The following WDR25 variants were observed in gnomAD, a reference collection of about 807,000 sequenced individuals.
WDR25 encodes WD repeat-containing protein 25.
Under a neutral mutation model 47.7 loss-of-function variants are expected in WDR25, and 35 were observed. The ratio of observed to expected loss-of-function variants is 0.73; its 90% confidence interval spans 0.56 to 0.97. WDR25 has a LOEUF of 0.97. Among genes scored for constraint, WDR25 ranks in the 50% least tolerant of loss-of-function variants. The probability of loss-of-function intolerance (pLI) is 0.00; values close to 1 mark genes in which losing one functional copy is unlikely to be tolerated. For synonymous variants in WDR25, 248 were observed against 278.9 expected (o/e 0.89, Z 1.10); for missense variants, 634 against 704.7 (o/e 0.90, Z 1.14).
chr14:100,523,976 A>G lies in WDR25; in HGVS notation c.1102-1894A>G, dbSNP rs2029986869. Reference sequence around the variant, plus strand: ...GAGCAGTTGTGAAGGCGAGTAAATCATGTTCGGTGGCGATCACTTCAAAGG... The same window carrying G: ...GAGCAGTTGTGAAGGCGAGTAAATCGTGTTCGGTGGCGATCACTTCAAAGG... On this transcript the variant is annotated intron_variant, in intron 4 of 6. Coordinates refer to ENST00000402312, the MANE Select transcript of WDR25 (RefSeq NM_001161476.3). The surrounding 1 kb of genome is among the most constrained non-coding windows in gnomAD (Gnocchi z 4.7). Among the ~76,000 whole-genome samples the G allele has an allele frequency of 6.6e-6, 1 of 152,010 alleles. No individual in the cohort carries two copies. Among genetic ancestry groups the G allele is most frequent in the Admixed American group, 6.5e-5 (1 of 15,272 alleles).
intron 2 of WDR25, among the ~76,000 whole-genome samples, chr14:100,427,304 C>T (rs779360678): frequency 5.3e-5 from 8 of 152,226 alleles, no homozygotes; most frequent in Non-Finnish European, 1.2e-4. Context: ...ATGCATCCAC[C>T]AGTGTGCTCC....
In WDR25 at chr14:100,381,456, C is replaced by T. The variant is rs767805638; in HGVS notation, c.532C>T (p.Pro178Ser). The T allele has an allele frequency of 1.5e-5, 25 of 1,614,086 alleles. No individual in the cohort carries two copies. The highest frequency in any genetic ancestry group is 5.9e-6 in the Non-Finnish European group (7 of 1,180,040). ...KCEDCVVPYT[P>S]RRLRQRQALS... ...TGAGGACTGTGTGGTACCCTATACT[C>T]CCAGAAGACTAAGACAGCGGCAGGC... Residue 178 changes from proline (P) to serine (S), a missense_variant, in exon 2 of 7, where the codon CCC (proline) becomes TCC (serine). Coordinates refer to ENST00000402312, the MANE Select transcript of WDR25 (RefSeq NM_001161476.3).
In WDR25 at chr14:100,439,915, C is replaced by T. The variant is rs73349403; in HGVS notation, c.823-28106C>T. 4.9e-3 allele frequency among the ~76,000 whole-genome samples: 751 copies of T among 152,258 alleles called. 10 individuals carry two copies. The highest frequency in any genetic ancestry group is 0.017 in the African/African-American group (705 of 41,540). Reference sequence around the variant, plus strand: ...ACTAGCTGGCAGCGCTCTCGTGTGACGTGGCAGAGGCTGAGGGAGTTGCCC... The same window carrying T: ...ACTAGCTGGCAGCGCTCTCGTGTGATGTGGCAGAGGCTGAGGGAGTTGCCC... On this transcript the variant is annotated intron_variant, in intron 2 of 6. Coordinates refer to ENST00000402312, the MANE Select transcript of WDR25 (RefSeq NM_001161476.3).
intron 3 of WDR25, chr14:100,481,048 G>A (rs1900180267): frequency 2.4e-6 from 1 of 413,852 alleles, no homozygotes; most frequent in Non-Finnish European, 4.6e-6. Flanking sequence ...CTGCAAAAGT[G>A]GAATTGAAGC....
intron 2 of WDR25, among the ~76,000 whole-genome samples, chr14:100,433,833 CA>C (rs1481172856): frequency 6.6e-6 from 1 of 152,150 alleles, no homozygotes; most frequent in East Asian, 1.9e-4. Context: ...TTTGGCACAG[CA>C]AGATATTCTG....
intron 4 of WDR25, among the ~76,000 whole-genome samples, chr14:100,489,681 C>G (rs1273497634): frequency 1.3e-5 from 2 of 152,128 alleles, no homozygotes; most frequent in Non-Finnish European, 2.9e-5. Flanking sequence ...TGGACTCTGC[C>G]CCAGTTCCTC....
intron 1 of WDR25, among the ~76,000 whole-genome samples, chr14:100,378,484 A>G (rs1216288253): frequency 6.6e-6 from 1 of 152,090 alleles, no homozygotes; most frequent in Non-Finnish European, 1.5e-5. Context: ...ATTTTTTTTA[A>G]CAAGTAGAAA....
intron 2 of WDR25, among the ~76,000 whole-genome samples, chr14:100,465,302 G>A (rs376750659): frequency 2.0e-5 from 3 of 152,134 alleles, no homozygotes; most frequent in South Asian, 2.1e-4. Flanking sequence ...CACCCCATCT[G>A]TCTGCAGAAC....
intron 2 of WDR25, among the ~76,000 whole-genome samples, chr14:100,385,028 T>G (rs113722587): frequency 0.028 from 4,301 of 152,338 alleles, 76 homozygotes; most frequent in Middle Eastern, 0.054. Context: ...GTGCAATGCC[T>G]GGCACATAGC....
At chr14:100,399,054 T>C (rs910902939) in intron 2 of WDR25, among the ~76,000 whole-genome samples, 5 of 151,970 alleles carry the variant, frequency 3.3e-5, no homozygotes, top group Non-Finnish European at 7.3e-5. Flanking sequence ...GGTAGCTGTT[T>C]AGTGATAACA....
intron 2 of WDR25, among the ~76,000 whole-genome samples, chr14:100,432,859 A>G (rs1251827658): frequency 6.6e-6 from 1 of 152,232 alleles, no homozygotes; most frequent in African/African-American, 2.4e-5. Context: ...ATGAACCTAG[A>G]TGGTACAGCC....
At chr14:100,387,516 A>G (rs1897046381) in intron 2 of WDR25, among the ~76,000 whole-genome samples, 1 of 152,170 alleles carries the variant, frequency 6.6e-6, no homozygotes, top group African/African-American at 2.4e-5. Flanking sequence ...CATGGATGAG[A>G]GGATGGAGAG....
At chr14:100,514,344 C>T (rs1901420845) in intron 4 of WDR25, among the ~76,000 whole-genome samples, 1 of 152,096 alleles carries the variant, frequency 6.6e-6, no homozygotes. Flanking sequence ...ACAATCTCTT[C>T]TTTCGAACTA....
chr14:100,470,656 G>A (rs1200443485), intron 3 of WDR25, among the ~76,000 whole-genome samples: 2 of 152,218 alleles, frequency 1.3e-5, no homozygotes, highest in Non-Finnish European at 2.9e-5. Context: ...TCTGTGCTTT[G>A]AGTAGTCCTC....
At chr14:100,487,365 G>A (rs1298613481) in intron 4 of WDR25, among the ~76,000 whole-genome samples, 1 of 152,204 alleles carries the variant, frequency 6.6e-6, no homozygotes, top group East Asian at 1.9e-4. Flanking sequence ...ATAGCCTAAG[G>A]CTAGTCCAGC....
At chr14:100,431,403 G>A (rs781265898) in intron 2 of WDR25, among the ~76,000 whole-genome samples, 4 of 152,074 alleles carry the variant, frequency 2.6e-5, no homozygotes, top group Non-Finnish European at 5.9e-5. Context: ...AGCAGTTAAA[G>A]GATTATTTAT....
At position 100,376,503 on chromosome 14, in the gene WDR25, T is replaced by G; in HGVS notation, c.-16+8T>G. The G allele has an allele frequency of 3.2e-6, 4 of 1,231,758 alleles. No homozygotes were observed. Among genetic ancestry groups the G allele is most frequent in the South Asian group, 4.1e-5 (1 of 24,320 alleles). 76.3% of individuals were successfully genotyped at this position (1,231,758 alleles called of 1,614,324 possible). A position where few individuals can be genotyped will look rare whatever the true frequency, so the allele number is the denominator to read the frequency against. ...GAGAACCGAGCGCTTCCGGTGCGTG[T>G]GGTGAGCGGCGGGCCCCGGGCTGGA... On this transcript the variant is annotated splice_region_variant and intron_variant, in intron 1 of 6. Coordinates refer to ENST00000402312, the MANE Select transcript of WDR25 (RefSeq NM_001161476.3).
At chr14:100,439,436 C>T (rs1898600880) in intron 2 of WDR25, among the ~76,000 whole-genome samples, 1 of 152,180 alleles carries the variant, frequency 6.6e-6, no homozygotes, top group Non-Finnish European at 1.5e-5. Context: ...CACGGCCCGC[C>T]CACAGCAGGT....
At chr14:100,459,653 G>T (rs1453101670) in intron 2 of WDR25, among the ~76,000 whole-genome samples, 2 of 151,640 alleles carry the variant, frequency 1.3e-5, no homozygotes, top group African/African-American at 4.8e-5. Flanking sequence ...CTTTCTATAA[G>T]GGAGAAGCTA....
Sources: allele counts gnomAD v4.1 joint callset (sites outside exome capture counted in the v4.1 genomes callset), GRCh38; gene constraint gnomAD v4.1.1; non-coding constraint Gnocchi (gnomAD v3.1); transcripts MANE v1.5; gene names NCBI Gene and HGNC (gene_info 2026-07-23, HGNC 2026-07-21).